CNNM1: variants seen among roughly 807,000 people sequenced by gnomAD.
CNNM1 encodes cyclin and CBS domain divalent metal cation transport mediator 1, also known as metal transporter CNNM1.
In CNNM1, 44 loss-of-function variants were observed where a neutral mutation model predicts 78.8. That is an observed-to-expected ratio of 0.56 (90% CI 0.44 to 0.72). CNNM1 has a LOEUF of 0.72. Ranked by LOEUF, CNNM1 falls within the 30% of genes least tolerant of loss-of-function variation. CNNM1 has a pLI of 0.00. For synonymous variants in CNNM1, 584 were observed against 581.5 expected (o/e 1.00, Z -0.06); for missense variants, 1,101 against 1,292.2 (o/e 0.85, Z 2.27).
chr10:99,365,999 A>G (rs1245300729), intron 6 of CNNM1, among the ~76,000 whole-genome samples: 1 of 152,230 alleles, frequency 6.6e-6, no homozygotes, highest in Non-Finnish European at 1.5e-5. Flanking sequence ...CACACAGCAC[A>G]ATAAAATACA....
At chr10:99,388,567 T>C (rs2032378259) in intron 9 of CNNM1, among the ~76,000 whole-genome samples, 1 of 152,202 alleles carries the variant, frequency 6.6e-6, no homozygotes, top group African/African-American at 2.4e-5. Context: ...GGCTCCTTCG[T>C]TTAGGAGTTA....
chr10:99,371,660 G>A (rs1022132387), intron 6 of CNNM1, among the ~76,000 whole-genome samples: 3 of 152,148 alleles, frequency 2.0e-5, no homozygotes, highest in African/African-American at 7.2e-5. Context: ...CTTGTGTGAT[G>A]AACATTTGGG....
At chr10:99,368,535 C>A (rs1380938189) in intron 6 of CNNM1, 1 of 828,168 alleles carries the variant, frequency 1.2e-6, no homozygotes, top group East Asian at 6.3e-5. Flanking sequence ...GACTGTCTCA[C>A]CCACTTTGTT....
At chr10:99,390,247 C>A in intron 9 of CNNM1, 59 bp from the exon 10 acceptor site, 2 of 1,231,120 alleles carry the variant, frequency 1.6e-6, no homozygotes, top group Non-Finnish European at 2.3e-6. Flanking sequence ...GAATCACCCT[C>A]TCTTGATGCC....
chr10:99,363,779 C>CTGT (rs774531541), intron 4 of CNNM1, among the ~76,000 whole-genome samples: 175 of 135,816 alleles, frequency 1.3e-3, no homozygotes, highest in Middle Eastern at 4.9e-3. Context: ...GAGTCTCGCT[C>CTGT]TGTCACCCAG....
intron 4 of CNNM1, among the ~76,000 whole-genome samples, chr10:99,363,385 A>G (rs544043540): frequency 2.3e-4 from 35 of 152,366 alleles, no homozygotes; most frequent in African/African-American, 7.7e-4. Context: ...ATGATCACAT[A>G]GTTTCATGTC....
chr10:99,359,252 G>A (rs911248776), intron 2 of CNNM1, among the ~76,000 whole-genome samples: 2 of 151,710 alleles, frequency 1.3e-5, no homozygotes, highest in African/African-American at 4.8e-5. Flanking sequence ...GGAGAGGGGG[G>A]CTATTTAGGC....
chr10:99,377,134 C>G lies in CNNM1; in HGVS notation c.2256C>G (p.Ser752Arg). The G allele has an allele frequency of 6.2e-7, 1 of 1,612,192 alleles. No homozygotes were observed. The highest frequency in any genetic ancestry group is 8.5e-7 in the Non-Finnish European group (1 of 1,179,174). The change falls in exon 7 of 11, where the codon AGC becomes AGG. Residue 752 changes from serine (S) to arginine (R), a missense_variant. Ser to Arg is a moderately radical substitution (Grantham distance 110). This residue lies in a region of CNNM1 where 348 missense variants were observed against 384.5 expected (regional missense o/e 0.90). Coordinates refer to ENST00000356713, the MANE Select transcript of CNNM1 (RefSeq NM_020348.3). ...GAGAGCGCAGTGACTTTGGGGGCAG[C>G]AACACCCAGCTGTACAGCAGCAGCA... ...PNRERSDFGG[S>R]NTQLYSSSNN...
intron 1 of CNNM1, among the ~76,000 whole-genome samples, chr10:99,356,617 GAAAGA>G (rs1554940127): frequency 1.6e-4 from 23 of 139,596 alleles, no homozygotes; most frequent in African/African-American, 5.1e-4. Context: ...AAGAAAGAAA[GAAAGA>G]AAAGAAAAGA....
chr10:99,330,499 C>A lies in CNNM1; in HGVS notation c.1112C>A (p.Pro371His). 3 of 1,583,890 alleles carry A rather than the reference C, an allele frequency of 1.9e-6. No individual in the cohort carries two copies. Among genetic ancestry groups the A allele is most frequent in the East Asian group, 4.6e-5 (2 of 43,072 alleles). ...LTRLLMAAAF[P>H]VCYPLGRLLD... ...CGGCTTCTGATGGCAGCCGCCTTCC[C>A]CGTGTGCTACCCGCTGGGCCGCCTG... The change falls in exon 1 of 11, where the codon CCC (proline) becomes CAC (histidine). Residue 371 changes from proline (P) to histidine (H), a missense_variant. Physicochemically the swap from Pro to His is moderately conservative, Grantham distance 77 (BLOSUM62 -2). This residue lies in a region of CNNM1 where 277 missense variants were observed against 423.2 expected (regional missense o/e 0.65). Coordinates refer to ENST00000356713, the MANE Select transcript of CNNM1 (RefSeq NM_020348.3).
rs558683266 is a variant in CNNM1, at chr10:99,369,764, T to C, written c.2176+4762T>C. On this transcript the variant is annotated intron_variant, in intron 6 of 10. Transcript: ENST00000356713. ...GTTTTTCTTGCTTTGTGAGAGCTCA[T>C]GCCTTCATAATGACTACAGGATCGG... 1.1e-3 allele frequency among the ~76,000 whole-genome samples: 174 copies of C among 152,334 alleles called. 1 individual carries two copies. The highest frequency in any genetic ancestry group is 4.0e-3 in the African/African-American group (166 of 41,564).
rs141318668 is a variant in CNNM1 at position 99,376,367 on chromosome 10, G to A, written c.2177-688G>A. 1.4e-4 allele frequency among the ~76,000 whole-genome samples: 22 copies of A among 152,318 alleles called. No individual in the cohort carries two copies. In the East Asian group the frequency reaches 3.7e-3, roughly 25 times the overall value. Reference sequence around the variant, plus strand: ...AACATTTGTCAAGGAAGAGGATAAAGCCTATTTTTACCGTTTATCAATGTG... The same window carrying A: ...AACATTTGTCAAGGAAGAGGATAAAACCTATTTTTACCGTTTATCAATGTG... On this transcript the variant is annotated intron_variant, in intron 6 of 10. Transcript: ENST00000356713.
chr10:99,332,318 C>CA (rs1350792178), intron 1 of CNNM1, among the ~76,000 whole-genome samples: 2 of 152,000 alleles, frequency 1.3e-5, no homozygotes, highest in South Asian at 4.2e-4. Flanking sequence ...AAACAAAAAC[C>CA]AAAAAAATCA....
intron 2 of CNNM1, among the ~76,000 whole-genome samples, chr10:99,359,583 G>A (rs376912581): frequency 5.3e-5 from 8 of 152,132 alleles, no homozygotes; most frequent in African/African-American, 1.7e-4. Flanking sequence ...GAGTCAGAGC[G>A]GGCCATGGAA....
At chr10:99,341,483 G>A (rs1486114907) in intron 1 of CNNM1, among the ~76,000 whole-genome samples, 1 of 152,168 alleles carries the variant, frequency 6.6e-6, no homozygotes, top group African/African-American at 2.4e-5. Context: ...ATAAGAGGCA[G>A]CCTGGGGTAC....
At chr10:99,332,487 G>T (rs1390409649) in intron 1 of CNNM1, among the ~76,000 whole-genome samples, 1 of 151,320 alleles carries the variant, frequency 6.6e-6, no homozygotes, top group Non-Finnish European at 1.5e-5. Context: ...CTGAACTCTA[G>T]CCTGGGTAAC....
chr10:99,388,124 G>A, intron 8 of CNNM1, 28 bp from the exon 9 acceptor site: 1 of 1,613,106 alleles, frequency 6.2e-7, no homozygotes. Flanking sequence ...CCAAAGCAGA[G>A]AGGTGATGCA....
At chr10:99,363,740 C>CTTTTTTTTTT (rs869281521) in intron 4 of CNNM1, among the ~76,000 whole-genome samples, 1 of 121,926 alleles carries the variant, frequency 8.2e-6, no homozygotes, top group Non-Finnish European at 1.7e-5. Context: ...TAGATTTTAT[C>CTTTTTTTTTT]TTTTTTTTTT....
At chr10:99,341,600 T>C (rs1020257543) in intron 1 of CNNM1, among the ~76,000 whole-genome samples, 5 of 152,226 alleles carry the variant, frequency 3.3e-5, no homozygotes, top group Middle Eastern at 6.8e-3. Context: ...AGCTCAGCCT[T>C]AAAGAAGGAG....
Sources: allele counts gnomAD v4.1 joint callset (sites outside exome capture counted in the v4.1 genomes callset), GRCh38; gene constraint gnomAD v4.1.1; regional missense constraint gnomAD v4.1.1; transcripts MANE v1.5; gene names NCBI Gene and HGNC (gene_info 2026-07-23, HGNC 2026-07-21).